Variants in TDRD7 observed in about 807,000 individuals in gnomAD.
TDRD7 encodes tudor domain containing 7, also known as tudor domain-containing protein 7.
TDRD7 carries 47 observed loss-of-function variants against 109.8 expected under a neutral mutation model. The observed-to-expected ratio is 0.43, with a 90% confidence interval of 0.34 to 0.55. TDRD7 has a LOEUF of 0.55. TDRD7 is among the 20% of genes least tolerant of loss of function. The pLI, the probability that TDRD7 is intolerant of heterozygous loss-of-function variation, is 0.03. For synonymous variants in TDRD7, 424 were observed against 457.3 expected (o/e 0.93, Z 0.93); for missense variants, 1,164 against 1,319.2 (o/e 0.88, Z 1.82).
Position 97,441,648 on chromosome 9 carries a change from T to A in TDRD7, c.638-10T>A, listed in dbSNP as rs762402821. 2 of 1,582,322 alleles carry A rather than the reference T, an allele frequency of 1.3e-6. No individual in the cohort carries two copies. The highest frequency in any genetic ancestry group is 1.1e-5 in the South Asian group (1 of 88,278). The stretch of plus-strand genomic sequence containing the variant: ...ATTTTGGTTAATTCTATTATTTTTT[T>A]AATTTAAAGATAATTTAAATCAGAC... On this transcript the variant is annotated splice_polypyrimidine_tract_variant and intron_variant, in intron 5 of 16. Transcript: ENST00000355295.
intron 6 of TDRD7, among the ~76,000 whole-genome samples, chr9:97,446,084 G>A (rs1828394970): frequency 6.6e-6 from 1 of 152,104 alleles, no homozygotes; most frequent in Admixed American, 6.5e-5. Flanking sequence ...GAGCTATGAT[G>A]GCACCACTGC....
intron 16 of TDRD7, among the ~76,000 whole-genome samples, chr9:97,489,521 A>G (rs1456080865): frequency 6.6e-6 from 1 of 150,728 alleles, no homozygotes; most frequent in Non-Finnish European, 1.5e-5. Flanking sequence ...CTTTACTTTT[A>G]CTCTATATGT....
chr9:97,461,903 G>T (rs888897533), intron 7 of TDRD7, among the ~76,000 whole-genome samples: 2 of 152,174 alleles, frequency 1.3e-5, no homozygotes, highest in Non-Finnish European at 2.9e-5. Context: ...AATGAAAGAA[G>T]AGCTCAAAAA....
chr9:97,431,752 T>C (rs980866005), intron 3 of TDRD7, among the ~76,000 whole-genome samples: 1 of 152,168 alleles, frequency 6.6e-6, no homozygotes, highest in East Asian at 1.9e-4. Flanking sequence ...GTGTGCTGTA[T>C]TTGCAAGAAC....
chr9:97,455,304 A>G (rs986172687), intron 6 of TDRD7, among the ~76,000 whole-genome samples: 3 of 152,222 alleles, frequency 2.0e-5, no homozygotes, highest in Admixed American at 6.5e-5. Flanking sequence ...AAAAGGAGGG[A>G]CTTTGCCCTA....
intron 4 of TDRD7, among the ~76,000 whole-genome samples, chr9:97,437,044 G>T (rs139825939): frequency 2.0e-5 from 3 of 152,184 alleles, no homozygotes; most frequent in African/African-American, 7.2e-5. Flanking sequence ...TATACCTACT[G>T]CCCTTATCAT....
chr9:97,491,514 G>A (rs1268936032), intron 16 of TDRD7, among the ~76,000 whole-genome samples: 1 of 152,200 alleles, frequency 6.6e-6, no homozygotes, highest in Non-Finnish European at 1.5e-5. Flanking sequence ...GGTAAATAAG[G>A]CTTTTGTAAT....
intron 12 of TDRD7, among the ~76,000 whole-genome samples, chr9:97,476,710 G>A (rs1304562363): frequency 6.6e-6 from 1 of 151,208 alleles, no homozygotes; most frequent in Admixed American, 6.6e-5. Context: ...TCCTGGAATT[G>A]TATGCAAATT....
intron 16 of TDRD7, among the ~76,000 whole-genome samples, chr9:97,493,505 G>A (rs892530246): frequency 3.9e-5 from 6 of 152,166 alleles, no homozygotes; most frequent in African/African-American, 9.7e-5. Context: ...GAGGCAGGGC[G>A]AGATCACAGG....
chr9:97,428,322 A>G (rs796807939), intron 1 of TDRD7, 138 bp from the exon 2 acceptor site: 10 of 857,684 alleles, frequency 1.2e-5, no homozygotes, highest in Non-Finnish European at 1.3e-5. Flanking sequence ...CTACCGTGGC[A>G]GTTGTTTCCC....
Position 97,442,638 on chromosome 9 carries a change from G to A in TDRD7, c.855+763G>A, listed in dbSNP as rs925702738. 7.2e-5 allele frequency among the ~76,000 whole-genome samples: 11 copies of A among 152,282 alleles called. No individual in the cohort carries two copies. The South Asian group carries it at 8.3e-4, about 11-fold the overall frequency. ...TAAATGGTCACATTAACAGCTACTCGATGCTTCTAGGCTTGTAGAATTAAA... is the reference window on the plus strand; with the variant it reads ...TAAATGGTCACATTAACAGCTACTCAATGCTTCTAGGCTTGTAGAATTAAA... On this transcript the variant is annotated intron_variant, in intron 6 of 16. Transcript: ENST00000355295.
intron 4 of TDRD7, among the ~76,000 whole-genome samples, chr9:97,437,669 G>C (rs1475803020): frequency 6.6e-6 from 1 of 152,104 alleles, no homozygotes; most frequent in Non-Finnish European, 1.5e-5. Context: ...AGAGAATAGG[G>C]CATGTTTATC....
At chr9:97,417,751 A>T (rs1827834600) in intron 1 of TDRD7, among the ~76,000 whole-genome samples, 1 of 152,216 alleles carries the variant, frequency 6.6e-6, no homozygotes, top group Admixed American at 6.5e-5. Flanking sequence ...CCAAATCAAA[A>T]TATATCAATG....
In TDRD7 at chr9:97,451,910, G is replaced by T. The variant is rs772788423; in HGVS notation, c.856-8268G>T. Among the ~76,000 whole-genome samples, 5 of 152,352 alleles carry T rather than the reference G, an allele frequency of 3.3e-5. No individual in the cohort carries two copies. The South Asian group carries it at 6.2e-4, about 19-fold the overall frequency. ...ACCCATTTGGTCACACAAGTCTTCT[G>T]TGTTGATGATTGTTGTTGAATGAGA... On this transcript the variant is annotated intron_variant, in intron 6 of 16. Transcript: ENST00000355295.
chr9:97,440,814 A>G (rs1828290366), intron 5 of TDRD7, among the ~76,000 whole-genome samples: 1 of 152,224 alleles, frequency 6.6e-6, no homozygotes, highest in Admixed American at 6.5e-5. Flanking sequence ...TCAGATCTGT[A>G]TCTCAGTGAA....
intron 6 of TDRD7, among the ~76,000 whole-genome samples, chr9:97,447,198 A>C (rs895066194): frequency 3.9e-5 from 6 of 152,210 alleles, no homozygotes; most frequent in Non-Finnish European, 7.3e-5. Context: ...AACTTGAAAC[A>C]GAAACTACCC....
At position 97,489,361 on chromosome 9, in the gene TDRD7, G is replaced by A. The variant is rs544223806; in HGVS notation, c.3076+2029G>A. Among the ~76,000 whole-genome samples the A allele has an allele frequency of 5.3e-5, 8 of 152,080 alleles. No individual in the cohort carries two copies. The South Asian group carries it at 1.2e-3, about 24-fold the overall frequency. ...CATGTACATTAAGGATTAGTATGTCGTCTTGGAGAATTGACCCCTCTACCA... is the reference window on the plus strand; with the variant it reads ...CATGTACATTAAGGATTAGTATGTCATCTTGGAGAATTGACCCCTCTACCA... On this transcript the variant is annotated intron_variant, in intron 16 of 16. Coordinates refer to ENST00000355295, the MANE Select transcript of TDRD7 (RefSeq NM_014290.3).
intron 1 of TDRD7, among the ~76,000 whole-genome samples, chr9:97,420,675 C>A (rs940278527): frequency 5.9e-5 from 9 of 152,116 alleles, no homozygotes; most frequent in African/African-American, 2.2e-4. Context: ...TATCTACTTA[C>A]CTTTTGATAG....
At chr9:97,490,915 T>C (rs1415881886) in intron 16 of TDRD7, among the ~76,000 whole-genome samples, 2 of 134,984 alleles carry the variant, frequency 1.5e-5, no homozygotes, top group African/African-American at 5.6e-5. Context: ...TTTTCTTTTT[T>C]TTTTTTTTTT....
Sources: allele counts gnomAD v4.1 joint callset (sites outside exome capture counted in the v4.1 genomes callset), GRCh38; gene constraint gnomAD v4.1.1; transcripts MANE v1.5; gene names NCBI Gene and HGNC (gene_info 2026-07-23, HGNC 2026-07-21).